The following ZNF219 variants were observed in gnomAD, a reference collection of about 807,000 sequenced individuals.
ZNF219 encodes zinc finger protein 219.
A neutral mutation model predicts 54.4 loss-of-function variants in ZNF219; 17 were observed. The observed-to-expected ratio is 0.31, with a 90% CI of 0.21 to 0.47. ZNF219 has a LOEUF of 0.47. Among genes scored for constraint, ZNF219 ranks in the 20% least tolerant of loss-of-function variants. ZNF219 has a pLI of 1.00. For missense variants in ZNF219, 1,014 were observed against 1,062.3 expected, an observed-to-expected ratio of 0.95 and a Z score of 0.63; for synonymous variants, 518 against 476.4, an observed-to-expected ratio of 1.09 and a Z score of -1.14.
chr14:21,091,386 C>T (rs1186604610), intron 4 of ZNF219, 25 bp downstream of exon 4: 1 of 1,583,788 alleles, frequency 6.3e-7, no homozygotes, highest in South Asian at 1.1e-5. Flanking sequence ...AGTCCCCTCT[C>T]CACGCCGGAG....
Position 21,098,428 on chromosome 14 carries a change from G to GC in ZNF219, c.-201dup, listed in dbSNP as rs1293361033. The stretch of plus-strand genomic sequence containing the variant: ...GCCGGGGGAGATGCGCCGGGCCCCG[G>GC]CCCCCCCGCCCCCGGCCCGGCCCCC... On this transcript the variant is annotated 5_prime_UTR_variant, in exon 1 of 5. The change creates a premature stop within an existing upstream ORF in the 5' untranslated region. Coordinates refer to ENST00000360947, the MANE Select transcript of ZNF219 (RefSeq NM_016423.3). 2.7e-5 allele frequency: 16 copies of GC among 583,874 alleles called. No homozygotes were observed. Among genetic ancestry groups the GC allele is most frequent in the Non-Finnish European group, 3.0e-5 (14 of 468,572 alleles). The allele number at this position is 583,874 out of a possible 1,614,324, so 36.2% of individuals were successfully genotyped here. A position where few individuals can be genotyped will look rare whatever the true frequency, so the allele number is the denominator to read the frequency against.
Position 21,090,755 on chromosome 14 carries a change from G to A in ZNF219, c.1950C>T (p.Phe650=). The A allele has an allele frequency of 6.2e-7, 1 of 1,606,782 alleles. No homozygotes were observed. The highest frequency in any genetic ancestry group is 1.1e-5 in the South Asian group (1 of 90,096). ...CTGGGGCTCCAGTGGCGAACGGGCA[G>A]AAGAGGCAGCGGTGGAGGGCACCCC... ...GPGGALHRCL[F]CPFATGAPEL... is the part of the protein sequence containing the mutation. The change falls in exon 5 of 5, where the codon TTC becomes TTT. Residue 650 remains phenylalanine, a synonymous_variant. Coordinates refer to ENST00000360947, the MANE Select transcript of ZNF219 (RefSeq NM_016423.3). The surrounding 1 kb of genome is among the most constrained non-coding windows in gnomAD (Gnocchi z 4.4).
intron 1 of ZNF219, among the ~76,000 whole-genome samples, chr14:21,094,730 G>GC (rs1555341891): frequency 1.2e-5 from 1 of 81,908 alleles, no homozygotes; most frequent in African/African-American, 4.7e-5. Flanking sequence ...AGGGGTTGGG[G>GC]GGGGGGGCGG....
chr14:21,091,687 A>G (rs1888887656), intron 3 of ZNF219, 145 bp from the exon 4 acceptor site: 10 of 1,462,162 alleles, frequency 6.8e-6, no homozygotes, highest in South Asian at 4.4e-5. Flanking sequence ...TGTTGTGACT[A>G]AAGAGTTAAG....
chr14:21,102,228 T>C (rs1246271001), upstream of ZNF219: 1 of 1,427,974 alleles, frequency 7.0e-7, no homozygotes, highest in Non-Finnish European at 9.5e-7. Context: ...CTCTCAGCTG[T>C]CACCACTGAC....
At chr14:21,093,402 G>A (rs1889092336) in intron 2 of ZNF219, 112 bp from the exon 3 acceptor site, 21 of 1,474,870 alleles carry the variant, frequency 1.4e-5, no homozygotes, top group Admixed American at 6.9e-5. Flanking sequence ...GCTGGGGCCT[G>A]AACTAGGAAC....
At chr14:21,101,181 C>T, upstream of ZNF219, 1 of 606,596 alleles carries the variant, frequency 1.6e-6, no homozygotes, top group East Asian at 3.2e-5. Context: ...CTGCTTCAGA[C>T]TAGGTAGGTG....
At chr14:21,103,377 T>C, upstream of ZNF219, 1 of 1,434,132 alleles carries the variant, frequency 7.0e-7, no homozygotes, top group South Asian at 1.5e-5. Context: ...AGCAGGCCCT[T>C]TTTTCGTTCC....
intron 3 of ZNF219, 33 bp downstream of exon 3, chr14:21,091,832 G>T: frequency 2.0e-6 from 3 of 1,490,852 alleles, no homozygotes; most frequent in Non-Finnish European, 1.8e-6. Context: ...AGGAGGACGC[G>T]GCGTACCCGG....
Position 21,090,709 on chromosome 14 carries a change from G to A in ZNF219, c.1996C>T (p.Gln666Ter). The change falls in exon 5 of 5, where the codon CAA (glutamine) becomes TAA (stop). Residue 666 changes from glutamine (Q) to a stop codon, truncating the protein, a stop_gained. Coordinates refer to ENST00000360947, the MANE Select transcript of ZNF219 (RefSeq NM_016423.3). LOFTEE classifies it high-confidence loss of function. This position sits in a 1 kb window ranked among gnomAD's most constrained non-coding sequence, Gnocchi z 4.4. ...CTAGCCCGGCGGCTGTGGTGCACTT[G>A]AAGGTGCAAGGCCATGAGCTCTGGG... is the stretch of plus-strand genomic sequence containing the variant. ...GAPELMALHL[Q>*]VHHSRRARGR... The A allele has an allele frequency of 6.2e-7, 1 of 1,610,942 alleles. No homozygotes were observed. Among genetic ancestry groups the A allele is most frequent in the Non-Finnish European group, 8.5e-7 (1 of 1,179,364 alleles).
At chr14:21,101,559 A>G, upstream of ZNF219, 1 of 1,057,502 alleles carries the variant, frequency 9.5e-7, no homozygotes, top group Non-Finnish European at 1.4e-6. Context: ...TGTGCCAGAA[A>G]CTGAGCTAGG....
chr14:21,093,827 A>G (rs1889122264), intron 1 of ZNF219, 153 bp from the exon 2 acceptor site: 1 of 661,106 alleles, frequency 1.5e-6, no homozygotes, highest in East Asian at 2.8e-5. Context: ...GCTATACTCA[A>G]AAACTGTACC....
In ZNF219 at chr14:21,090,695, G is replaced by T; in HGVS notation, c.2010C>A (p.Ser670Arg). 2.5e-6 allele frequency: 4 copies of T among 1,611,262 alleles called. No homozygotes were observed. The highest frequency in any genetic ancestry group is 3.4e-6 in the Non-Finnish European group (4 of 1,179,446). The change falls in exon 5 of 5, where the codon AGC becomes AGA. Residue 670 changes from serine to arginine, a missense_variant. Ser to Arg is a moderately radical substitution (Grantham distance 110, BLOSUM62 -1). Around this residue, in one of 5 missense-constraint regions of ZNF219, gnomAD observed 281 missense variants for 271.2 expected, o/e 1.04. Coordinates refer to ENST00000360947, the MANE Select transcript of ZNF219 (RefSeq NM_016423.3). This position sits in a 1 kb window ranked among gnomAD's most constrained non-coding sequence, Gnocchi z 4.4. ...GTGGCCGGCGGCCCCTAGCCCGGCG[G>T]CTGTGGTGCACTTGAAGGTGCAAGG... ...LMALHLQVHH[S>R]RRARGRRPPQ... is the part of the protein sequence containing the mutation.
intron 2 of ZNF219, 33 bp downstream of exon 2, chr14:21,093,553 G>C (rs1265676228): frequency 1.2e-6 from 2 of 1,603,026 alleles, no homozygotes; most frequent in African/African-American, 2.7e-5. Flanking sequence ...ACAGTTGTAG[G>C]TACTTGTAGG....
chr14:21,102,929 G>T, upstream of ZNF219: 2 of 1,369,550 alleles, frequency 1.5e-6, no homozygotes, highest in Non-Finnish European at 1.9e-6. Flanking sequence ...CTCTGGCTTT[G>T]AACATTTCTC....
intron 2 of ZNF219, 48 bp downstream of exon 2, chr14:21,093,538 A>G: frequency 6.3e-7 from 1 of 1,587,870 alleles, no homozygotes; most frequent in Non-Finnish European, 8.6e-7. Context: ...CAGGAGAGGG[A>G]GTATACAGTT....
At chr14:21,101,524 A>G (rs1009755146), upstream of ZNF219, 1 of 1,392,680 alleles carries the variant, frequency 7.2e-7, no homozygotes, top group Admixed American at 2.0e-5. Context: ...CCATCCATCC[A>G]TCCATGTTAA....
chr14:21,102,533 A>T, upstream of ZNF219: 1 of 1,551,698 alleles, frequency 6.4e-7, no homozygotes, highest in Non-Finnish European at 8.7e-7. Flanking sequence ...TCAATGAAGG[A>T]GAAGGTGGGA....
At chr14:21,101,563 A>C, upstream of ZNF219, 1 of 1,024,468 alleles carries the variant, frequency 9.8e-7, no homozygotes. Context: ...CCAGAAACTG[A>C]GCTAGGTTCT....
Sources: allele counts gnomAD v4.1 joint callset (sites outside exome capture counted in the v4.1 genomes callset), GRCh38; gene constraint gnomAD v4.1.1; regional missense constraint gnomAD v4.1.1; non-coding constraint Gnocchi (gnomAD v3.1); transcripts MANE v1.5; gene names NCBI Gene and HGNC (gene_info 2026-07-23, HGNC 2026-07-21).